The following PDE9A variants were observed in gnomAD, a reference collection of about 807,000 sequenced individuals.
The protein encoded by PDE9A is phosphodiesterase 9A, also known as high affinity cGMP-specific 3',5'-cyclic phosphodiesterase 9A.
In PDE9A, 60 loss-of-function variants were observed where a neutral mutation model predicts 87.4. The ratio of observed to expected loss-of-function variants is 0.69; its 90% CI spans 0.56 to 0.85. PDE9A has a LOEUF of 0.85. PDE9A is among the 40% of genes least tolerant of loss of function. PDE9A has a pLI of 0.00. For synonymous variants in PDE9A, 272 were observed against 279.4 expected, an observed-to-expected ratio of 0.97 and a Z score of 0.27; for missense variants, 665 against 779.0, an observed-to-expected ratio of 0.85 and a Z score of 1.74.
intron 1 of PDE9A, among the ~76,000 whole-genome samples, chr21:42,680,218 C>T (rs2059094907): frequency 6.6e-6 from 1 of 152,258 alleles, no homozygotes; most frequent in Non-Finnish European, 1.5e-5. Flanking sequence ...GCGACCCTGG[C>T]TCACTGACAG....
At chr21:42,773,927 A>AT (rs1555961151) in intron 19 of PDE9A, among the ~76,000 whole-genome samples, 2 of 149,686 alleles carry the variant, frequency 1.3e-5, no homozygotes, top group East Asian at 4.0e-4. Context: ...ACACGGTGAA[A>AT]CCCTTCTCTA....
intron 1 of PDE9A, among the ~76,000 whole-genome samples, chr21:42,669,492 G>C (rs774449877): frequency 1.3e-5 from 2 of 152,168 alleles, no homozygotes; most frequent in Non-Finnish European, 2.9e-5. Flanking sequence ...TTTATTGAAG[G>C]TTCCTGTGTG....
intron 4 of PDE9A, among the ~76,000 whole-genome samples, chr21:42,706,463 G>A (rs908314102): frequency 6.6e-6 from 1 of 152,048 alleles, no homozygotes; most frequent in Non-Finnish European, 1.5e-5. Context: ...TGGCCAACAT[G>A]GTGAAACCCT....
At chr21:42,655,425 GGGCATGGCAGGCCA>G (rs1201066559) in intron 1 of PDE9A, among the ~76,000 whole-genome samples, 1 of 152,212 alleles carries the variant, frequency 6.6e-6, no homozygotes. Context: ...GGAGGACGCT[GGGCATGGCAGGCCA>G]GGCTGTTATT....
intron 10 of PDE9A, chr21:42,757,071 A>C (rs2055148240): frequency 6.6e-6 from 1 of 152,244 alleles, no homozygotes; most frequent in South Asian, 2.1e-4. Context: ...GGGGTCCAGC[A>C]GCTCTGGGCA....
intron 3 of PDE9A, among the ~76,000 whole-genome samples, chr21:42,689,040 G>A (rs1281825440): frequency 6.6e-6 from 1 of 151,264 alleles, no homozygotes; most frequent in Non-Finnish European, 1.5e-5. Context: ...TCCTCAGCGA[G>A]GTCCCCGTGG....
chr21:42,680,230 C>A (rs1030384554), intron 1 of PDE9A, among the ~76,000 whole-genome samples: 1 of 152,248 alleles, frequency 6.6e-6, no homozygotes, highest in Admixed American at 6.5e-5. Context: ...CACTGACAGT[C>A]GCCACCAGCT....
At chr21:42,769,684 GCA>G (rs1345343425) in intron 17 of PDE9A, among the ~76,000 whole-genome samples, 2 of 41,952 alleles carry the variant, frequency 4.8e-5, no homozygotes, top group East Asian at 6.1e-4. Flanking sequence ...GCACACACAG[GCA>G]CACACATACA....
rs1179028095 is a variant in PDE9A at position 42,743,771 on chromosome 21, A to G, written c.569-5A>G. On this transcript the variant is annotated splice_polypyrimidine_tract_variant and splice_region_variant and intron_variant, in intron 7 of 19. Coordinates refer to ENST00000291539, the MANE Select transcript of PDE9A (RefSeq NM_002606.3). The stretch of plus-strand genomic sequence containing the variant: ...CCCCCTTGCTGTCTCTCTCTCTGTC[A>G]CCAGTGGAAGGACTAAAAGTGGTGG... The G allele has an allele frequency of 6.4e-7, 1 of 1,569,328 alleles. No individual in the cohort carries two copies. The highest frequency in any genetic ancestry group is 1.4e-5 in the African/African-American group (1 of 73,986).
intron 7 of PDE9A, among the ~76,000 whole-genome samples, chr21:42,735,895 C>T (rs553197442): frequency 6.6e-6 from 1 of 152,334 alleles, no homozygotes; most frequent in African/African-American, 2.4e-5. Flanking sequence ...CACTGGGAGG[C>T]TGGCTCAGCT....
At chr21:42,745,044 C>T (rs1464656409) in intron 8 of PDE9A, among the ~76,000 whole-genome samples, 1 of 152,236 alleles carries the variant, frequency 6.6e-6, no homozygotes, top group Non-Finnish European at 1.5e-5. Context: ...AGAAACAGCC[C>T]TGTGCAATTG....
chr21:42,664,825 G>A (rs1048545058), intron 1 of PDE9A, among the ~76,000 whole-genome samples: 2 of 152,182 alleles, frequency 1.3e-5, no homozygotes, highest in East Asian at 3.9e-4. Context: ...GTTTCCTCTC[G>A]ACTTCCGCCC....
chr21:42,682,575 A>T (rs2059226959), intron 1 of PDE9A, among the ~76,000 whole-genome samples: 2 of 152,228 alleles, frequency 1.3e-5, no homozygotes, highest in Admixed American at 1.3e-4. Flanking sequence ...AGCCAAGCAT[A>T]AAAAGCTCTC....
rs2048664475 is a variant in PDE9A, at chr21:42,704,563, C to T, written c.262+5552C>T. The stretch of plus-strand genomic sequence containing the variant: ...TCTCTCTATGGCAACAACCTTCCCT[C>T]TCCCGTCCATCGGCCTTGGGTCCCA... On this transcript the variant is annotated intron_variant, in intron 4 of 19. Coordinates refer to ENST00000291539, the MANE Select transcript of PDE9A (RefSeq NM_002606.3). This position sits in a 1 kb window ranked among gnomAD's most constrained non-coding sequence, Gnocchi z 5.3. 6.6e-6 allele frequency among the ~76,000 whole-genome samples: 1 copy of T among 152,232 alleles called. No individual in the cohort carries two copies. The highest frequency in any genetic ancestry group is 2.1e-4 in the South Asian group (1 of 4,834).
intron 4 of PDE9A, among the ~76,000 whole-genome samples, chr21:42,707,927 T>A (rs922511425): frequency 6.6e-6 from 1 of 152,222 alleles, no homozygotes; most frequent in African/African-American, 2.4e-5. Flanking sequence ...CATTTTTGAA[T>A]GGCTAAAGTT....
At chr21:42,674,579 T>C (rs1454013857) in intron 1 of PDE9A, among the ~76,000 whole-genome samples, 3 of 152,058 alleles carry the variant, frequency 2.0e-5, no homozygotes, top group African/African-American at 7.2e-5. Context: ...CAGGGAGGCC[T>C]CTCCCCTTCC....
chr21:42,724,654 C>T (rs1372923380), intron 4 of PDE9A: 3 of 936,248 alleles, frequency 3.2e-6, no homozygotes, highest in African/African-American at 3.5e-5. Flanking sequence ...ACCACCTGGG[C>T]AGTGCCCCTG....
intron 4 of PDE9A, among the ~76,000 whole-genome samples, chr21:42,706,900 A>C (rs1050707442): frequency 2.6e-5 from 4 of 151,936 alleles, no homozygotes; most frequent in African/African-American, 9.7e-5. Flanking sequence ...ACGGTGTTGC[A>C]GGCTCCCCGC....
rs549267515 is a variant in PDE9A, at chr21:42,698,913, G to GA, written c.219-55_219-54insA. 5.3e-5 allele frequency: 65 copies of GA among 1,238,070 alleles called. No individual in the cohort carries two copies. In the South Asian group the frequency reaches 7.7e-4, roughly 15 times the overall value. The allele number at this position is 1,238,070 out of a possible 1,614,324, so 76.7% of individuals were successfully genotyped here. ...GCCGAGTGCTTATCTCTCCTGCCAG[G>GA]CATACAGCGAGCGCCTTGCAGAGTC... On this transcript the variant is annotated intron_variant, in intron 3 of 19. Coordinates refer to ENST00000291539, the MANE Select transcript of PDE9A (RefSeq NM_002606.3).
Sources: allele counts gnomAD v4.1 joint callset (sites outside exome capture counted in the v4.1 genomes callset), GRCh38; gene constraint gnomAD v4.1.1; non-coding constraint Gnocchi (gnomAD v3.1); transcripts MANE v1.5; gene names NCBI Gene and HGNC (gene_info 2026-07-23, HGNC 2026-07-21).